PDZRN3: variants seen among roughly 807,000 people sequenced by gnomAD.
PDZRN3 encodes the protein PDZ domain containing ring finger 3, also known as E3 ubiquitin-protein ligase PDZRN3.
A neutral mutation model predicts 85.7 loss-of-function variants in PDZRN3; 38 were observed. The observed-to-expected ratio is 0.44, with a 90% CI of 0.34 to 0.58. The LOEUF (loss-of-function observed/expected upper bound fraction) is 0.58. Among genes scored for constraint, PDZRN3 ranks in the 20% least tolerant of loss-of-function variants. The pLI is 0.01. For synonymous variants in PDZRN3, 759 were observed against 638.0 expected (o/e 1.19, Z -2.86); for missense variants, 1,629 against 1,506.4 (o/e 1.08, Z -1.35).
chr3:73,588,464 C>T (rs1359380862), intron 3 of PDZRN3, among the ~76,000 whole-genome samples: 1 of 152,110 alleles, frequency 6.6e-6, no homozygotes, highest in Non-Finnish European at 1.5e-5. Context: ...GGTGTATTTA[C>T]ACAGGTGAAC....
chr3:73,620,942 C>A (rs1237385416), intron 1 of PDZRN3, among the ~76,000 whole-genome samples: 1 of 152,192 alleles, frequency 6.6e-6, no homozygotes, highest in African/African-American at 2.4e-5. Flanking sequence ...TAGACAATGA[C>A]CAGTGAAACC....
chr3:73,582,033 G>A (rs570905630), intron 3 of PDZRN3, among the ~76,000 whole-genome samples: 1 of 152,088 alleles, frequency 6.6e-6, no homozygotes, highest in South Asian at 2.1e-4. Context: ...CCAGGAGGTT[G>A]AGGCTGCACT....
intron 5 of PDZRN3, among the ~76,000 whole-genome samples, chr3:73,391,937 T>C (rs1701537178): frequency 6.6e-6 from 1 of 152,162 alleles, no homozygotes; most frequent in South Asian, 2.1e-4. Flanking sequence ...TCCTTTGGTC[T>C]AATTTTTAGT....
Position 73,382,774 on chromosome 3 carries a change from A to T in PDZRN3, c.*591T>A, listed in dbSNP as rs561651912. 6.5e-6 allele frequency: 1 copy of T among 152,852 alleles called. No individual in the cohort carries two copies. Among genetic ancestry groups the T allele is most frequent in the African/African-American group, 2.4e-5 (1 of 41,582 alleles). 9.5% of individuals were successfully genotyped at this position (152,852 alleles called of 1,614,324 possible). A position where few individuals can be genotyped will look rare whatever the true frequency, so the allele number is the denominator to read the frequency against. On this transcript the variant is annotated 3_prime_UTR_variant, in exon 10 of 10. Transcript: ENST00000263666. Reference sequence around the variant, plus strand: ...ACCTTTACACTCTCTTGGGAACCTTAACCAGGAAAATGTTTAAATGTATAT... The same window carrying T: ...ACCTTTACACTCTCTTGGGAACCTTTACCAGGAAAATGTTTAAATGTATAT...
intron 3 of PDZRN3, among the ~76,000 whole-genome samples, chr3:73,413,598 T>C (rs558798508): frequency 4.6e-5 from 7 of 152,304 alleles, no homozygotes; most frequent in East Asian, 1.9e-4. Context: ...CAGGTCTGCC[T>C]GGCTTCGAAA....
intron 3 of PDZRN3, among the ~76,000 whole-genome samples, chr3:73,574,457 T>TGGGGGG (rs72092693): frequency 2.4e-4 from 29 of 120,740 alleles, no homozygotes; most frequent in East Asian, 9.6e-4. Context: ...TTGGCTGGGG[T>TGGGGGG]GGGGGGGGTG....
intron 3 of PDZRN3, among the ~76,000 whole-genome samples, chr3:73,414,952 A>ACTT (rs1702046252): frequency 1.3e-5 from 2 of 152,208 alleles, no homozygotes; most frequent in East Asian, 3.9e-4. Flanking sequence ...AATGCTTAAC[A>ACTT]CTTCCGCGTT....
intron 1 of PDZRN3, among the ~76,000 whole-genome samples, chr3:73,615,159 G>A (rs1350498500): frequency 2.0e-5 from 3 of 152,056 alleles, no homozygotes; most frequent in South Asian, 2.1e-4. Flanking sequence ...TAAGCCAAAC[G>A]AGATATTTTT....
At chr3:73,433,570 T>C in intron 3 of PDZRN3, 1 of 1,034,648 alleles carries the variant, frequency 9.7e-7, no homozygotes, top group Non-Finnish European at 1.4e-6. Flanking sequence ...CCCCACTACC[T>C]TTCCTAGAAG....
At chr3:73,461,812 T>C (rs1019200889) in intron 3 of PDZRN3, among the ~76,000 whole-genome samples, 2 of 152,256 alleles carry the variant, frequency 1.3e-5, no homozygotes, top group Middle Eastern at 3.4e-3. Flanking sequence ...GGTTCAGCCA[T>C]GGGGAGGCCA....
At position 73,433,693 on chromosome 3, in the gene PDZRN3, C is replaced by T. The variant is rs1187036075; in HGVS notation, c.919-29298G>A. 3 of 1,536,018 alleles carry T rather than the reference C, an allele frequency of 2.0e-6. No individual in the cohort carries two copies. The African/African-American group carries it at 4.1e-5, about 21-fold the overall frequency. ...GCTCCTCTTGCTTCTGCAGGCTGCA[C>T]AGACTGCATCCCATGTTTAGAAAAA... On this transcript the variant is annotated intron_variant, in intron 3 of 9. Coordinates refer to ENST00000263666, the MANE Select transcript of PDZRN3 (RefSeq NM_015009.3).
At chr3:73,386,259 ACT>A (rs34467028) in intron 8 of PDZRN3, among the ~76,000 whole-genome samples, 3,203 of 79,090 alleles carry the variant, frequency 0.04, 114 homozygotes, top group African/African-American at 0.12. Context: ...ACAGAATCTC[ACT>A]CTGTCTCCCA....
intron 3 of PDZRN3, among the ~76,000 whole-genome samples, chr3:73,474,786 G>A (rs1703416407): frequency 6.6e-6 from 1 of 152,154 alleles, no homozygotes; most frequent in Non-Finnish European, 1.5e-5. Flanking sequence ...ATTAAGAAAG[G>A]AGCAAGCTGT....
At chr3:73,413,688 T>C (rs1702018811) in intron 3 of PDZRN3, among the ~76,000 whole-genome samples, 1 of 152,118 alleles carries the variant, frequency 6.6e-6, no homozygotes, top group South Asian at 2.1e-4. Context: ...GGCCGAGGTG[T>C]TCACCGGTGA....
At chr3:73,615,319 T>A (rs1702745632) in intron 1 of PDZRN3, among the ~76,000 whole-genome samples, 1 of 152,248 alleles carries the variant, frequency 6.6e-6, no homozygotes, top group African/African-American at 2.4e-5. Flanking sequence ...TGTCACTGAC[T>A]CATCTGCTTT....
chr3:73,416,673 G>C (rs1250273574), intron 3 of PDZRN3, among the ~76,000 whole-genome samples: 1 of 152,146 alleles, frequency 6.6e-6, no homozygotes, highest in Non-Finnish European at 1.5e-5. Flanking sequence ...GGCTAGAAAA[G>C]CCACTGAATC....
At chr3:73,430,798 T>G (rs1200687766) in intron 3 of PDZRN3, among the ~76,000 whole-genome samples, 1 of 152,156 alleles carries the variant, frequency 6.6e-6, no homozygotes, top group African/African-American at 2.4e-5. Flanking sequence ...AGATCTCCTG[T>G]GCCAATTAAT....
At chr3:73,619,661 G>C (rs1277484004) in intron 1 of PDZRN3, among the ~76,000 whole-genome samples, 1 of 152,200 alleles carries the variant, frequency 6.6e-6, no homozygotes, top group Non-Finnish European at 1.5e-5. Flanking sequence ...AGGGGCACAT[G>C]CATCGACTCT....
chr3:73,414,088 A>C (rs1702028700), intron 3 of PDZRN3, among the ~76,000 whole-genome samples: 1 of 152,236 alleles, frequency 6.6e-6, no homozygotes, highest in Admixed American at 6.5e-5. Flanking sequence ...GGCATAAAAA[A>C]ATAGTACAGT....
Sources: allele counts gnomAD v4.1 joint callset (sites outside exome capture counted in the v4.1 genomes callset), GRCh38; gene constraint gnomAD v4.1.1; transcripts MANE v1.5; gene names NCBI Gene and HGNC (gene_info 2026-07-23, HGNC 2026-07-21).